The following PTPRT variants were observed in gnomAD, a reference collection of about 807,000 sequenced individuals.
PTPRT encodes receptor-type tyrosine-protein phosphatase T.
PTPRT carries 56 observed loss-of-function variants against 176.8 expected under a neutral mutation model. The ratio of observed to expected loss-of-function variants is 0.32; its 90% CI spans 0.26 to 0.40. The LOEUF is 0.40. Among genes scored for constraint, PTPRT ranks in the 10% least tolerant of loss-of-function variants. The pLI is 1.00. For synonymous variants in PTPRT, 783 were observed against 739.0 expected, an observed-to-expected ratio of 1.06 and a Z score of -0.96; for missense variants, 1,540 against 1,908.2, an observed-to-expected ratio of 0.81 and a Z score of 3.60.
chr20:42,167,058 T>C (rs1222050928), intron 16 of PTPRT, among the ~76,000 whole-genome samples: 1 of 152,326 alleles, frequency 6.6e-6, no homozygotes, highest in African/African-American at 2.4e-5. Context: ...CAAATCTTTC[T>C]GCATCTCAGT....
chr20:42,473,799 A>G (rs1045353917), intron 7 of PTPRT, among the ~76,000 whole-genome samples: 2 of 152,164 alleles, frequency 1.3e-5, no homozygotes, highest in East Asian at 3.9e-4. Flanking sequence ...TTGTTATGTT[A>G]GAAACATAAC....
At position 42,408,894 on chromosome 20, in the gene PTPRT, G is replaced by GC. The variant is rs138579400; in HGVS notation, c.1560+39325dup. Among the ~76,000 whole-genome samples, 1,291 of 152,268 alleles carry GC rather than the reference G, an allele frequency of 8.5e-3. 22 individuals carry two copies. The highest frequency in any genetic ancestry group is 0.03 in the African/African-American group (1,239 of 41,542). On this transcript the variant is annotated intron_variant, in intron 9 of 30. Transcript: ENST00000373187. The stretch of plus-strand genomic sequence containing the variant: ...GGGTTGCTCTGCGCTTGCAAGATGT[G>GC]CCTCTTATTGGGTAATCACATGGGT...
At chr20:42,377,742 G>A (rs1206053157) in intron 9 of PTPRT, among the ~76,000 whole-genome samples, 1 of 152,160 alleles carries the variant, frequency 6.6e-6, no homozygotes, top group African/African-American at 2.4e-5. Flanking sequence ...TCCTAGCGCT[G>A]AGCCTCAGTT....
chr20:42,062,022 A>C, the PTPRT span, among the ~76,000 whole-genome samples: 1 of 152,330 alleles, frequency 6.6e-6, no homozygotes, highest in Middle Eastern at 3.4e-3. Context: ...CCCATCAGGG[A>C]GGTGCCCTGG....
intron 15 of PTPRT, among the ~76,000 whole-genome samples, chr20:42,233,352 C>T (rs2143632): frequency 0.4 from 61,465 of 152,064 alleles, 12,627 homozygotes; most frequent in African/African-American, 0.44. Context: ...CACCCCAAGA[C>T]GTCTCCATTT....
intron 18 of PTPRT, among the ~76,000 whole-genome samples, chr20:42,139,761 A>G (rs1330318984): frequency 1.3e-5 from 2 of 152,250 alleles, no homozygotes. Context: ...TTTAGGGTAC[A>G]GTGTCCACAG....
At chr20:42,691,236 G>A (rs1464061405) in intron 6 of PTPRT, among the ~76,000 whole-genome samples, 2 of 152,220 alleles carry the variant, frequency 1.3e-5, no homozygotes, top group Admixed American at 6.5e-5. Context: ...ATGACAAGAT[G>A]ACAAAGTAGA....
At chr20:42,759,821 C>A (rs887349520) in intron 5 of PTPRT, among the ~76,000 whole-genome samples, 2 of 152,164 alleles carry the variant, frequency 1.3e-5, no homozygotes, top group Non-Finnish European at 2.9e-5. Flanking sequence ...CATCGTCTGG[C>A]CCTCTGATTC....
intron 7 of PTPRT, among the ~76,000 whole-genome samples, chr20:42,598,261 T>G (rs1184150458): frequency 6.6e-6 from 1 of 152,190 alleles, no homozygotes; most frequent in Non-Finnish European, 1.5e-5. Context: ...GAACCTAAAA[T>G]TGTAAAATAA....
At chr20:43,160,752 G>C (rs921583957) in intron 1 of PTPRT, among the ~76,000 whole-genome samples, 1 of 152,106 alleles carries the variant, frequency 6.6e-6, no homozygotes. Context: ...CCAGAATAGT[G>C]GTTAACATTG....
intron 15 of PTPRT, among the ~76,000 whole-genome samples, chr20:42,209,772 A>G (rs1194988846): frequency 1.3e-5 from 2 of 152,230 alleles, no homozygotes; most frequent in Admixed American, 6.5e-5. Context: ...ATAGAAAAAG[A>G]GGGAATCCTC....
At chr20:42,310,343 T>G (rs2057608290) in intron 12 of PTPRT, among the ~76,000 whole-genome samples, 1 of 152,132 alleles carries the variant, frequency 6.6e-6, no homozygotes, top group South Asian at 2.1e-4. Context: ...AGTAATAGCA[T>G]GTTAATTATC....
chr20:43,039,305 T>C (rs1349921059), intron 1 of PTPRT, among the ~76,000 whole-genome samples: 2 of 152,048 alleles, frequency 1.3e-5, no homozygotes, highest in East Asian at 3.9e-4. Context: ...ACACATGAAT[T>C]ATTCAGTAAG....
chr20:42,107,137 A>G (rs1986528158), intron 23 of PTPRT, among the ~76,000 whole-genome samples: 1 of 152,248 alleles, frequency 6.6e-6, no homozygotes, highest in Non-Finnish European at 1.5e-5. Context: ...TAATACATCC[A>G]TATAGCATAA....
At chr20:42,353,671 T>C (rs775803440) in intron 9 of PTPRT, among the ~76,000 whole-genome samples, 4 of 152,228 alleles carry the variant, frequency 2.6e-5, no homozygotes, top group Admixed American at 2.0e-4. Context: ...GATCACACTT[T>C]GAGTGTCACA....
At chr20:42,248,531 C>A (rs1379743245) in intron 14 of PTPRT, among the ~76,000 whole-genome samples, 156 bp downstream of exon 14, 1 of 152,182 alleles carries the variant, frequency 6.6e-6, no homozygotes, top group Non-Finnish European at 1.5e-5. Context: ...AACAGCAACA[C>A]AATGAACCAC....
intron 2 of PTPRT, among the ~76,000 whole-genome samples, chr20:42,800,718 A>G (rs2077518911): frequency 6.6e-6 from 1 of 152,186 alleles, no homozygotes; most frequent in Non-Finnish European, 1.5e-5. Flanking sequence ...TACCTCGTAT[A>G]TTTGCAATGG....
chr20:42,386,093 AC>A, intron 9 of PTPRT, among the ~76,000 whole-genome samples: 1 of 152,306 alleles, frequency 6.6e-6, no homozygotes, highest in South Asian at 2.1e-4. Flanking sequence ...TATTTTACTC[AC>A]ACACACGATG....
At position 42,681,730 on chromosome 20, in the gene PTPRT, C is replaced by T. The variant is rs138468775; in HGVS notation, c.860-3571G>A. 3.0e-3 allele frequency among the ~76,000 whole-genome samples: 461 copies of T among 152,242 alleles called. 2 individuals carry two copies. The highest frequency in any genetic ancestry group is 0.011 in the African/African-American group (442 of 41,556). ...AAAGAGAAGTCAGGAGAGAAGGAAG[C>T]TGACTCAGAAGCTGTTGAGAAGGAG... On this transcript the variant is annotated intron_variant, in intron 6 of 30. Coordinates refer to ENST00000373187, the MANE Select transcript of PTPRT (RefSeq NM_007050.6).
Sources: gnomAD v4.1 joint callset for allele counts (sites outside exome capture counted in the v4.1 genomes callset) on GRCh38, gnomAD v4.1.1 for gene constraint, MANE v1.5 for transcripts, NCBI Gene and HGNC (gene_info 2026-07-23, HGNC 2026-07-21) for gene names.